Variants in RECQL observed in about 807,000 individuals in gnomAD.
RECQL encodes RecQ like helicase, also known as ATP-dependent DNA helicase Q1.
In RECQL, 73 loss-of-function variants were observed where a neutral mutation model predicts 75.8. The observed-to-expected ratio is 0.96, with a 90% CI of 0.80 to 1.17. RECQL has a LOEUF of 1.17. Ranked by LOEUF, RECQL falls within the 50% of genes most tolerant of loss-of-function variation. The probability of loss-of-function intolerance (pLI) is 0.00; values close to 1 mark genes in which losing one functional copy is unlikely to be tolerated. For missense variants in RECQL, 699 were observed against 772.1 expected (o/e 0.91, Z 1.12); for synonymous variants, 248 against 254.4 (o/e 0.97, Z 0.24).
chr12:21,470,514 T>G (rs1286436852), intron 14 of RECQL, 168 bp from the exon 15 acceptor site: 2 of 1,007,464 alleles, frequency 2.0e-6, no homozygotes, highest in East Asian at 2.9e-5. Context: ...ATGAGCTCTA[T>G]TTTGAATAAA....
At position 21,501,198 on chromosome 12, in the gene RECQL, C is replaced by T. The variant is rs1453969842; in HGVS notation, c.-74G>A. On this transcript the variant is annotated 5_prime_UTR_variant, in exon 1 of 15. Transcript: ENST00000444129. ...CAAATGGCAGCTGCTAATAAACAGG[C>T]TTTGGTGGCCAATCCTCCTGCATGG... 2 of 152,162 alleles carry T rather than the reference C, an allele frequency of 1.3e-5. No individual in the cohort carries two copies. Among genetic ancestry groups the T allele is most frequent in the Non-Finnish European group, 2.9e-5 (2 of 68,060 alleles). The allele number at this position is 152,162 out of a possible 1,614,324, so 9.4% of individuals were successfully genotyped here.
chr12:21,490,148 T>C, intron 4 of RECQL, 51 bp downstream of exon 4: 3 of 1,000,476 alleles, frequency 3.0e-6, no homozygotes, highest in Non-Finnish European at 4.4e-6. Context: ...ATTAAAAAGG[T>C]ATGATGACAA....
chr12:21,478,919 T>C (rs2137355535), intron 6 of RECQL, among the ~76,000 whole-genome samples: 1 of 152,286 alleles, frequency 6.6e-6, no homozygotes, highest in East Asian at 1.9e-4. Context: ...TCCTCCCAAC[T>C]GCAGGTCCTG....
At chr12:21,497,977 T>C (rs1943538965) in intron 2 of RECQL, among the ~76,000 whole-genome samples, 1 of 152,224 alleles carries the variant, frequency 6.6e-6, no homozygotes, top group Admixed American at 6.5e-5. Context: ...CTGATACAGA[T>C]GCTTACTCCG....
At chr12:21,495,139 C>G (rs143589124) in intron 2 of RECQL, among the ~76,000 whole-genome samples, 1 of 152,130 alleles carries the variant, frequency 6.6e-6, no homozygotes, top group African/African-American at 2.4e-5. Flanking sequence ...CATCCTTCGA[C>G]GAATTTCCAG....
rs1226150178 is a variant in RECQL at position 21,475,668 on chromosome 12, G to C, written c.1098+8C>G. ...AAATTAGGCTTCTATGGAAGATATAGACCTAACCTGAATTTCATTGGCTGA... is the reference window on the plus strand; with the variant it reads ...AAATTAGGCTTCTATGGAAGATATACACCTAACCTGAATTTCATTGGCTGA... On this transcript the variant is annotated splice_region_variant and intron_variant, in intron 9 of 14. Transcript: ENST00000444129. The C allele has an allele frequency of 2.5e-6, 4 of 1,612,954 alleles. No homozygotes were observed. Among genetic ancestry groups the C allele is most frequent in the South Asian group, 1.1e-5 (1 of 91,002 alleles).
chr12:21,471,052 T>C lies in RECQL; in HGVS notation c.1714A>G (p.Ile572Val). ...TTCAGAAGATTAGCTTTAGGTCCTATTTTCAAATACGAAATGGTAGCATAA... is the reference window on the plus strand; with the variant it reads ...TTCAGAAGATTAGCTTTAGGTCCTACTTTCAAATACGAAATGGTAGCATAA... ...TAYATISYLK[I>V]GPKANLLNNE... The change falls in exon 14 of 15, where the codon ATA becomes GTA. Residue 572 changes from isoleucine (I) to valine (V), a missense_variant. Coordinates refer to ENST00000444129, the MANE Select transcript of RECQL (RefSeq NM_002907.4). The C allele has an allele frequency of 6.2e-7, 1 of 1,602,432 alleles. No individual in the cohort carries two copies.
chr12:21,486,480 T>C lies in RECQL; in HGVS notation c.500A>G (p.Lys167Arg), dbSNP rs1290817535. 1 of 1,582,196 alleles carries C rather than the reference T, an allele frequency of 6.3e-7. No individual in the cohort carries two copies. Among genetic ancestry groups the C allele is most frequent in the African/African-American group, 1.4e-5 (1 of 72,724 alleles). ...AAAAAAAAAGCCACTGAAACATACC[T>C]TAGAACTAGAAGCATTTAACATGGT... ...SATMLNASSS[K>R]EHVKWVHAEM... Residue 167 changes from lysine to arginine, a missense_variant and splice_region_variant, in exon 5 of 15, where the codon AAG becomes AGG. Transcript: ENST00000444129.
In RECQL at chr12:21,474,840, C is replaced by T. The variant is rs140319286; in HGVS notation, c.1355+1G>A. On this transcript the variant is annotated splice_donor_variant, in intron 11 of 14. Coordinates refer to ENST00000444129, the MANE Select transcript of RECQL (RefSeq NM_002907.4). LOFTEE classifies it high-confidence loss of function. ...AAGTTATAAAAAGGTATGTGGCTTA[C>T]TTGCTTATGTTTTGACAGTATGATA... 8.9e-5 allele frequency: 144 copies of T among 1,611,858 alleles called. No homozygotes were observed. Among genetic ancestry groups the T allele is most frequent in the Non-Finnish European group, 1.1e-4 (132 of 1,178,536 alleles).
chr12:21,479,420 T>C (rs993612656), intron 6 of RECQL, among the ~76,000 whole-genome samples: 2 of 151,416 alleles, frequency 1.3e-5, no homozygotes, highest in Non-Finnish European at 2.9e-5. Flanking sequence ...TGACACGATC[T>C]TGGCTCACTG....
chr12:21,486,841 C>A (rs925355346), intron 4 of RECQL, among the ~76,000 whole-genome samples: 1 of 151,438 alleles, frequency 6.6e-6, no homozygotes, highest in Admixed American at 6.6e-5. Flanking sequence ...TGGCTAATTT[C>A]TTTTGTATTT....
chr12:21,472,596 G>C (rs554600678), intron 12 of RECQL, among the ~76,000 whole-genome samples: 3 of 152,186 alleles, frequency 2.0e-5, no homozygotes, highest in African/African-American at 7.2e-5. Flanking sequence ...TTTGTAAACT[G>C]TCATGGTGCT....
chr12:21,492,008 T>A (rs953178286), intron 2 of RECQL, among the ~76,000 whole-genome samples: 12 of 152,220 alleles, frequency 7.9e-5, no homozygotes, highest in Admixed American at 6.5e-4. Context: ...GCTAGTGAGA[T>A]AATATATTAG....
At position 21,474,738 on chromosome 12, in the gene RECQL, C is replaced by G. The variant is rs35159698; in HGVS notation, c.1355+103G>C. On this transcript the variant is annotated intron_variant, in intron 11 of 14. Transcript: ENST00000444129. ...CAACATCTGCTTTTATGGATCTGCA[C>G]TTTGGTGTTCCACCAATGTATTTAG... 0.48 allele frequency: 531,017 copies of G among 1,116,032 alleles called. 127,117 individuals are homozygous for G. Among genetic ancestry groups the G allele is most frequent in the East Asian group, 0.54 (22,794 of 41,918 alleles). 69.1% of individuals were successfully genotyped at this position (1,116,032 alleles called of 1,614,324 possible).
intron 5 of RECQL, 132 bp downstream of exon 5, chr12:21,486,347 C>T (rs1440052511): frequency 1.1e-5 from 13 of 1,183,502 alleles, no homozygotes; most frequent in Admixed American, 3.5e-5. Context: ...CAGAACTGGC[C>T]AAGAGCAGTA....
At position 21,491,590 on chromosome 12, in the gene RECQL, T is replaced by G. The variant is rs1442442109; in HGVS notation, c.143A>C (p.Gln48Pro). 6 of 1,613,748 alleles carry G rather than the reference T, an allele frequency of 3.7e-6. No homozygotes were observed. The African/African-American group carries it at 6.7e-5, about 18-fold the overall frequency. The change falls in exon 3 of 15, where the codon CAG becomes CCG. Residue 48 changes from glutamine (Q) to proline (P), a missense_variant. Gln to Pro is a moderately conservative substitution (Grantham distance 76, BLOSUM62 -1). Around this residue, in one of 2 missense-constraint regions of RECQL, gnomAD observed 669 missense variants for 713.5 expected, o/e 0.94. Transcript: ENST00000444129. ...KKKVLTKKIKQCLEDSDAGAS... is the reference protein window; with the variant it reads ...KKKVLTKKIKPCLEDSDAGAS... ...CCCGGCATCAGAATCCTCTAAACAC[T>G]GCTTTATTTTCTTTGTCAGGACTTT...
chr12:21,485,783 GT>G (rs1484658531), intron 5 of RECQL, among the ~76,000 whole-genome samples: 3 of 152,062 alleles, frequency 2.0e-5, no homozygotes, highest in Non-Finnish European at 4.4e-5. Context: ...TTAGCCGTAT[GT>G]TGATAACTGT....
intron 11 of RECQL, 127 bp from the exon 12 acceptor site, chr12:21,473,769 A>G (rs1943030248): frequency 2.8e-6 from 2 of 715,996 alleles, no homozygotes; most frequent in African/African-American, 1.8e-5. Context: ...CCATAAACTT[A>G]GTGGCTTTAA....
chr12:21,473,609 A>G lies in RECQL; in HGVS notation c.1389T>C (p.Asp463=). The change falls in exon 12 of 15, where the codon GAT becomes GAC. Residue 463 remains aspartate (D), a synonymous_variant. Coordinates refer to ENST00000444129, the MANE Select transcript of RECQL (RefSeq NM_002907.4). ...CRRVLMAQHF[D]EVWNSEACNK... ...TACATGCTTCTGAGTTCCATACTTC[A>G]TCAAAATGTTGAGCCATCAACACAC... is the stretch of plus-strand genomic sequence containing the variant. 6.2e-7 allele frequency: 1 copy of G among 1,612,930 alleles called. No individual in the cohort carries two copies.
Sources: gnomAD v4.1 joint callset for allele counts (sites outside exome capture counted in the v4.1 genomes callset) on GRCh38, gnomAD v4.1.1 for gene constraint, gnomAD v4.1.1 regional missense constraint, MANE v1.5 for transcripts, NCBI Gene and HGNC (gene_info 2026-07-23, HGNC 2026-07-21) for gene names.